The following SELENOO variants were observed in gnomAD, a reference collection of about 807,000 sequenced individuals.
The protein encoded by SELENOO is protein adenylyltransferase SelO, mitochondrial.
In SELENOO, 74 loss-of-function variants were observed where a neutral mutation model predicts 58.7. The observed-to-expected ratio is 1.26, with a 90% CI of 1.04 to 1.53. SELENOO has a LOEUF of 1.53. SELENOO is among the 40% of genes most tolerant of loss of function. The pLI is 0.00. For synonymous variants in SELENOO, 543 were observed against 453.2 expected, an observed-to-expected ratio of 1.20 and a Z score of -2.52; for missense variants, 1,149 against 970.0, an observed-to-expected ratio of 1.18 and a Z score of -2.45.
At chr22:50,210,486 C>T (rs1337304744) in intron 4 of SELENOO, 145 bp from the exon 5 acceptor site, 2 of 1,365,062 alleles carry the variant, frequency 1.5e-6, no homozygotes, top group South Asian at 1.3e-5. Context: ...TGGCCAGGGG[C>T]TGGTGAGACA....
At chr22:50,212,494 A>C (rs1225505496) in intron 5 of SELENOO, among the ~76,000 whole-genome samples, 1 of 152,132 alleles carries the variant, frequency 6.6e-6, no homozygotes, top group Non-Finnish European at 1.5e-5. Flanking sequence ...TATCCTCTTA[A>C]ATTGTGGAGG....
rs2064360536 is a variant in SELENOO at position 50,210,368 on chromosome 22, G to A, written c.1070+57G>A. ...GCCCCAGGGCTGGGGGGTGCGGGCT[G>A]CATGAAACCTGCTGCCCCCAGGCAC... On this transcript the variant is annotated intron_variant, in intron 4 of 8. Coordinates refer to ENST00000380903, the MANE Select transcript of SELENOO (RefSeq NM_031454.2). 18 of 1,578,760 alleles carry A rather than the reference G, an allele frequency of 1.1e-5. No individual in the cohort carries two copies. In the South Asian group the frequency reaches 1.5e-4, roughly 13 times the overall value.
Position 50,201,071 on chromosome 22 carries a change from T to TCGCG in SELENOO, c.36_39dup (p.Ala14ArgfsTer221). On this transcript the variant is annotated frameshift_variant, in exon 1 of 9. Transcript: ENST00000380903. LOFTEE classifies it high-confidence loss of function. ...TACAGGGCAGCGCTCGGGGCTTCGC[T>TCGCG]CGCGGCTGCCCGACTCTTGCCCCTC... 1 of 1,360,990 alleles carries TCGCG rather than the reference T, an allele frequency of 7.3e-7. No individual in the cohort carries two copies. Among genetic ancestry groups the TCGCG allele is most frequent in the Non-Finnish European group, 9.5e-7 (1 of 1,057,282 alleles). 84.3% of individuals were successfully genotyped at this position (1,360,990 alleles called of 1,614,324 possible). A position where few individuals can be genotyped will look rare whatever the true frequency, so the allele number is the denominator to read the frequency against.
chr22:50,201,880 C>G (rs1021849424), intron 1 of SELENOO, among the ~76,000 whole-genome samples: 4 of 152,272 alleles, frequency 2.6e-5, no homozygotes, highest in African/African-American at 7.2e-5. Context: ...AACCCTAACC[C>G]CGCAGGTCCC....
At chr22:50,212,213 T>C (rs527717822) in intron 5 of SELENOO, among the ~76,000 whole-genome samples, 1 of 152,300 alleles carries the variant, frequency 6.6e-6, no homozygotes, top group South Asian at 2.1e-4. Context: ...AGGATTGCCA[T>C]TTGTTCGTAA....
intron 2 of SELENOO, 27 bp downstream of exon 2, chr22:50,206,547 C>G (rs774805021): frequency 9.5e-6 from 15 of 1,580,718 alleles, no homozygotes; most frequent in Admixed American, 7.0e-5. Context: ...TTCGGCCTGT[C>G]TACACGCACT....
rs769336802 is a variant in SELENOO, at chr22:50,210,856, G to GC, written c.1297dup (p.Leu433ProfsTer125). The GC allele has an allele frequency of 1.2e-6, 2 of 1,614,162 alleles. No individual in the cohort carries two copies. Among genetic ancestry groups the GC allele is most frequent in the Non-Finnish European group, 1.7e-6 (2 of 1,180,040 alleles). On this transcript the variant is annotated frameshift_variant, in exon 5 of 9. Transcript: ENST00000380903. LOFTEE classifies it high-confidence loss of function. ...GGAAGCTGGGCCTCGTGCAGGTGGA[G>GC]CTGGAGGAAGACGGGGCGCTGGTGT...
chr22:50,215,604 G>A, intron 5 of SELENOO, 113 bp from the exon 6 acceptor site: 1 of 860,172 alleles, frequency 1.2e-6, no homozygotes, highest in South Asian at 1.7e-5. Context: ...GAGCATGTGG[G>A]TGGGTCCATG....
rs1352077663 is a variant in SELENOO, at chr22:50,210,886, G to C, written c.1326G>C (p.Lys442Asn). 1 of 1,614,124 alleles carries C rather than the reference G, an allele frequency of 6.2e-7. No individual in the cohort carries two copies. The highest frequency in any genetic ancestry group is 1.7e-5 in the Admixed American group (1 of 60,032). Residue 442 changes from lysine to asparagine, a missense_variant, in exon 5 of 9, where the codon AAG becomes AAC. Transcript: ENST00000380903. The stretch of plus-strand genomic sequence containing the variant: ...AGGAAGACGGGGCGCTGGTGTCCAA[G>C]CTCCTGGAGACCATGCATCTGACCG... ...ELEEDGALVS[K>N]LLETMHLTGA...
intron 3 of SELENOO, 134 bp downstream of exon 3, chr22:50,208,850 C>A: frequency 2.4e-6 from 2 of 834,808 alleles, no homozygotes; most frequent in Non-Finnish European, 3.7e-6. Flanking sequence ...GCTCCCGCTC[C>A]TGTCCGCAAA....
rs147331059 is a variant in SELENOO, at chr22:50,214,687, C to A, written c.1352-1030C>A. Reference sequence around the variant, plus strand: ...GGCTGAGGTAGGAGAATTGCTGGAACCCAGGAGGCGGAGGTTGCAGTGAGC... The same window carrying A: ...GGCTGAGGTAGGAGAATTGCTGGAAACCAGGAGGCGGAGGTTGCAGTGAGC... On this transcript the variant is annotated intron_variant, in intron 5 of 8. Transcript: ENST00000380903. Among the ~76,000 whole-genome samples the A allele has an allele frequency of 3.5e-3, 539 of 152,268 alleles. 3 individuals carry two copies. Among genetic ancestry groups the A allele is most frequent in the African/African-American group, 0.012 (498 of 41,550 alleles).
Position 50,208,584 on chromosome 22 carries a change from TG to T in SELENOO, c.808del (p.Ala270GlnfsTer45), listed in dbSNP as rs758323044. 6.2e-7 allele frequency: 1 copy of T among 1,613,942 alleles called. No homozygotes were observed. The highest frequency in any genetic ancestry group is 2.2e-5 in the East Asian group (1 of 44,888). ...AGTCTGCAGATGAGCACACAGGGCG[TG>T]CAGGCCCCAGCGTGGGGAGGAACGA... ...FKSADEHTGR[A>X]GPSVGRNDIR... On this transcript the variant is annotated frameshift_variant, in exon 3 of 9. Coordinates refer to ENST00000380903, the MANE Select transcript of SELENOO (RefSeq NM_031454.2). LOFTEE classifies it high-confidence loss of function.
At chr22:50,211,820 C>T (rs926018121) in intron 5 of SELENOO, among the ~76,000 whole-genome samples, 1 of 152,222 alleles carries the variant, frequency 6.6e-6, no homozygotes, top group Non-Finnish European at 1.5e-5. Flanking sequence ...TCTCCTGCCT[C>T]AGTCTCTCAA....
intron 2 of SELENOO, among the ~76,000 whole-genome samples, chr22:50,207,709 C>T (rs1462109500): frequency 2.0e-5 from 3 of 147,072 alleles, no homozygotes; most frequent in Non-Finnish European, 3.0e-5. Flanking sequence ...CGCTGGTTGC[C>T]AGTAGTAACC....
chr22:50,214,879 G>A (rs534798714), intron 5 of SELENOO, among the ~76,000 whole-genome samples: 6 of 152,288 alleles, frequency 3.9e-5, no homozygotes, highest in East Asian at 3.9e-4. Context: ...GTCTTTGAAC[G>A]TCTTGCAGAT....
intron 1 of SELENOO, among the ~76,000 whole-genome samples, chr22:50,205,182 G>A (rs1036670731): frequency 6.6e-6 from 1 of 152,230 alleles, no homozygotes; most frequent in Non-Finnish European, 1.5e-5. Context: ...GCCAGTGTTC[G>A]ATGGGGACAA....
chr22:50,201,672 C>T lies in SELENOO; in HGVS notation c.554+82C>T, dbSNP rs1035443822. ...CCTCCGCCCGGCGCGGTGTTGGGGG[C>T]GTCCGGCGGCTACTGCCAAGTGGGG... On this transcript the variant is annotated intron_variant, in intron 1 of 8. Coordinates refer to ENST00000380903, the MANE Select transcript of SELENOO (RefSeq NM_031454.2). 12 of 1,041,172 alleles carry T rather than the reference C, an allele frequency of 1.2e-5. 1 individual carries two copies. The East Asian group carries it at 3.5e-4, about 30-fold the overall frequency. The allele number at this position is 1,041,172 out of a possible 1,614,324, so 64.5% of individuals were successfully genotyped here.
chr22:50,201,445 G>A lies in SELENOO; in HGVS notation c.409G>A (p.Ala137Thr). 1 of 1,395,124 alleles carries A rather than the reference G, an allele frequency of 7.2e-7. No individual in the cohort carries two copies. The highest frequency in any genetic ancestry group is 9.4e-7 in the Non-Finnish European group (1 of 1,069,250). The allele number at this position is 1,395,124 out of a possible 1,614,324, so 86.4% of individuals were successfully genotyped here. The change falls in exon 1 of 9, where the codon GCG (alanine) becomes ACG (threonine). Residue 137 changes from alanine (A) to threonine (T), a missense_variant. Ala to Thr is a moderately conservative substitution (Grantham distance 58, BLOSUM62 0). Transcript: ENST00000380903. ...GCTCCTGCCGGGCGCCGAGCCCGCC[G>A]CGCACTGCTACTGCGGCCACCAATT... The part of the protein sequence containing the change: ...NALLPGAEPA[A>T]HCYCGHQFGQ...
chr22:50,208,251 G>C (rs1254345665), intron 2 of SELENOO, among the ~76,000 whole-genome samples: 1 of 152,066 alleles, frequency 6.6e-6, no homozygotes, highest in Non-Finnish European at 1.5e-5. Flanking sequence ...CCAACATGGT[G>C]AAACCCTGTC....
Sources: allele counts gnomAD v4.1 joint callset (sites outside exome capture counted in the v4.1 genomes callset), GRCh38; gene constraint gnomAD v4.1.1; transcripts MANE v1.5; gene names NCBI Gene and HGNC (gene_info 2026-07-23, HGNC 2026-07-21).